The following FIP1L1 variants were observed in gnomAD, a reference collection of about 807,000 sequenced individuals.
FIP1L1 encodes pre-mRNA 3'-end-processing factor FIP1.
In FIP1L1, 21 loss-of-function variants were observed where a neutral mutation model predicts 84.6. That is an observed-to-expected ratio of 0.25 (90% CI 0.18 to 0.36). The LOEUF (loss-of-function observed/expected upper bound fraction) is 0.36, where lower values mean the gene tolerates loss of function less well. Among genes scored for constraint, FIP1L1 ranks in the 10% least tolerant of loss-of-function variants. The pLI is 1.00. For missense variants in FIP1L1, 526 were observed against 751.1 expected (o/e 0.70, Z 3.50); for synonymous variants, 263 against 242.3 (o/e 1.09, Z -0.80).
intron 10 of FIP1L1, among the ~76,000 whole-genome samples, chr4:53,400,838 A>G (rs1749834632): frequency 6.6e-6 from 1 of 152,246 alleles, no homozygotes; most frequent in African/African-American, 2.4e-5. Context: ...TAAAGAATTT[A>G]TGACAGCTAA....
chr4:53,391,698 A>G (rs62325162), intron 9 of FIP1L1, among the ~76,000 whole-genome samples, 200 bp downstream of exon 9: 15,424 of 152,274 alleles, frequency 0.1, 994 homozygotes, highest in East Asian at 0.16. Context: ...CTATTATACT[A>G]ACAAATGCCG....
chr4:53,393,996 A>G (rs1396236600), intron 9 of FIP1L1, among the ~76,000 whole-genome samples: 1 of 150,458 alleles, frequency 6.6e-6, no homozygotes, highest in Non-Finnish European at 1.5e-5. Flanking sequence ...AATTTTTTTT[A>G]TTGTTTTTCT....
intron 3 of FIP1L1, among the ~76,000 whole-genome samples, chr4:53,381,846 C>T (rs1477159761): frequency 5.5e-5 from 8 of 146,238 alleles, no homozygotes; most frequent in Non-Finnish European, 1.0e-4. Flanking sequence ...TCACTGCAAC[C>T]TCTATCTCCT....
chr4:53,447,942 C>T (rs1160687975), intron 15 of FIP1L1, among the ~76,000 whole-genome samples: 1 of 151,994 alleles, frequency 6.6e-6, no homozygotes, highest in Non-Finnish European at 1.5e-5. Flanking sequence ...TGTTGGCTCT[C>T]AGAAAACTCT....
At chr4:53,404,855 GGTT>G (rs1752378018) in intron 10 of FIP1L1, among the ~76,000 whole-genome samples, 1 of 151,684 alleles carries the variant, frequency 6.6e-6, no homozygotes, top group Non-Finnish European at 1.5e-5. Flanking sequence ...TTTTTGATGG[GGTT>G]GTTTTTTTCT....
At chr4:53,389,910 T>A (rs779982444) in intron 6 of FIP1L1, 37 bp downstream of exon 6, 1 of 1,485,562 alleles carries the variant, frequency 6.7e-7, no homozygotes, top group African/African-American at 1.4e-5. Context: ...AATAGGGAAA[T>A]AAGGCACATA....
At chr4:53,420,308 C>T (rs186932561) in intron 11 of FIP1L1, among the ~76,000 whole-genome samples, 3 of 147,148 alleles carry the variant, frequency 2.0e-5, no homozygotes, top group East Asian at 2.0e-4. Context: ...AGCATGCGTC[C>T]GTAATCCCAG....
chr4:53,414,751 C>A, intron 11 of FIP1L1, 29 bp downstream of exon 11: 1 of 1,393,202 alleles, frequency 7.2e-7, no homozygotes, highest in Non-Finnish European at 1.0e-6. Flanking sequence ...ATTGGATACT[C>A]CCTGATGTTT....
At chr4:53,408,764 C>A (rs1755307580) in intron 10 of FIP1L1, among the ~76,000 whole-genome samples, 2 of 152,134 alleles carry the variant, frequency 1.3e-5, no homozygotes, top group African/African-American at 2.4e-5. Flanking sequence ...ATCACTGATA[C>A]CCTTTCTTTC....
At chr4:53,437,436 T>C (rs911059258) in intron 13 of FIP1L1, among the ~76,000 whole-genome samples, 1 of 151,816 alleles carries the variant, frequency 6.6e-6, no homozygotes, top group African/African-American at 2.4e-5. Flanking sequence ...GTAGATGCTT[T>C]TGTTTCATAA....
At chr4:53,417,146 C>T (rs4864760) in intron 11 of FIP1L1, among the ~76,000 whole-genome samples, 84,410 of 151,832 alleles carry the variant, frequency 0.56, 25,300 homozygotes, top group Non-Finnish European at 0.67. Context: ...TAATTTATAG[C>T]GAAAATGTTG....
chr4:53,454,298 G>C (rs1717758674), intron 16 of FIP1L1, among the ~76,000 whole-genome samples: 1 of 152,158 alleles, frequency 6.6e-6, no homozygotes, highest in Non-Finnish European at 1.5e-5. Context: ...GGAGCAATAG[G>C]CTATAACATA....
chr4:53,438,119 T>C (rs1243080552), intron 13 of FIP1L1, among the ~76,000 whole-genome samples: 1 of 152,156 alleles, frequency 6.6e-6, no homozygotes, highest in Non-Finnish European at 1.5e-5. Flanking sequence ...AAATCTACTT[T>C]TACTACTGTT....
intron 11 of FIP1L1, among the ~76,000 whole-genome samples, chr4:53,420,429 C>CAAAA (rs35693633): frequency 2.2e-5 from 2 of 91,652 alleles, no homozygotes; most frequent in Admixed American, 1.3e-4. Context: ...AACTCCATCT[C>CAAAA]AAAAAAAAAA....
chr4:53,433,573 C>A (rs542572645), intron 13 of FIP1L1, among the ~76,000 whole-genome samples: 14 of 151,730 alleles, frequency 9.2e-5, no homozygotes, highest in African/African-American at 3.4e-4. Flanking sequence ...CAGTTAAACT[C>A]ATTTGTTTTT....
chr4:53,378,047 C>T (rs1416137207), intron 1 of FIP1L1, 124 bp downstream of exon 1: 21 of 900,946 alleles, frequency 2.3e-5, no homozygotes, highest in Non-Finnish European at 3.4e-5. Context: ...TCCTGTCCGG[C>T]CTGACTTAGG....
chr4:53,407,203 T>C (rs532437394), intron 10 of FIP1L1, among the ~76,000 whole-genome samples: 6 of 152,346 alleles, frequency 3.9e-5, no homozygotes, highest in South Asian at 2.1e-4. Flanking sequence ...GATTCTGGTA[T>C]GTTGTGTCTT....
At chr4:53,384,206 C>T (rs1056750767) in intron 5 of FIP1L1, among the ~76,000 whole-genome samples, 6 of 152,038 alleles carry the variant, frequency 3.9e-5, no homozygotes, top group African/African-American at 1.4e-4. Context: ...GTCAGGAGTT[C>T]AAGACCAGCC....
intron 5 of FIP1L1, among the ~76,000 whole-genome samples, chr4:53,384,762 G>A (rs1160577284): frequency 6.6e-6 from 1 of 152,196 alleles, no homozygotes; most frequent in African/African-American, 2.4e-5. Flanking sequence ...ATTTAGTTAC[G>A]ATAGGAGAAT....
Sources: gnomAD v4.1 joint callset for allele counts (sites outside exome capture counted in the v4.1 genomes callset) on GRCh38, gnomAD v4.1.1 for gene constraint, MANE v1.5 for transcripts, NCBI Gene and HGNC (gene_info 2026-07-23, HGNC 2026-07-21) for gene names.